TOX2: variants seen among roughly 807,000 people sequenced by gnomAD.
The protein encoded by TOX2 is TOX high mobility group box family member 2, also known as granulosa cell HMG box 1.
TOX2 carries 15 observed loss-of-function variants against 47.4 expected under a neutral mutation model. The observed-to-expected ratio is 0.32, with a 90% CI of 0.21 to 0.49. The LOEUF (loss-of-function observed/expected upper bound fraction) is 0.49. TOX2 is among the 20% of genes least tolerant of loss of function. TOX2 has a pLI of 0.99. For synonymous variants in TOX2, 290 were observed against 296.6 expected (o/e 0.98, Z 0.23); for missense variants, 622 against 673.1 (o/e 0.92, Z 0.84).
At chr20:43,973,479 G>A (rs1203725901) in intron 2 of TOX2, 47 bp downstream of exon 2, 2 of 1,589,734 alleles carry the variant, frequency 1.3e-6, no homozygotes, top group African/African-American at 1.3e-5. Context: ...ATTTGGGCTG[G>A]CTGGATCTGA....
At chr20:43,981,841 A>G (rs1230526246) in intron 2 of TOX2, among the ~76,000 whole-genome samples, 1 of 152,212 alleles carries the variant, frequency 6.6e-6, no homozygotes, top group Non-Finnish European at 1.5e-5. Context: ...ACATGTAAAC[A>G]GTAAATATAG....
intron 1 of TOX2, among the ~76,000 whole-genome samples, chr20:43,931,704 C>CG (rs1407135299): frequency 6.6e-6 from 1 of 152,088 alleles, no homozygotes; most frequent in African/African-American, 2.4e-5. Flanking sequence ...AAATACTGGA[C>CG]GGGGCAAGAG....
intron 1 of TOX2, among the ~76,000 whole-genome samples, chr20:43,920,830 G>C (rs1274696828): frequency 2.0e-5 from 3 of 152,196 alleles, no homozygotes; most frequent in Non-Finnish European, 4.4e-5. Flanking sequence ...TTCTAACTGT[G>C]GAGGGTGCAC....
intron 3 of TOX2, among the ~76,000 whole-genome samples, chr20:44,045,375 G>A (rs554669981): frequency 2.0e-5 from 3 of 152,226 alleles, no homozygotes; most frequent in Admixed American, 6.5e-5. Flanking sequence ...AGACAAAGAC[G>A]TGTACTCCTA....
rs2069043644 is a variant in TOX2, at chr20:43,915,324, G to T, written c.99+334G>T. 2.0e-5 allele frequency among the ~76,000 whole-genome samples: 3 copies of T among 152,170 alleles called. No individual in the cohort carries two copies. The highest frequency in any genetic ancestry group is 2.0e-4 in the Admixed American group (3 of 15,274). The stretch of plus-strand genomic sequence containing the variant: ...TACACGGTCCCGCCGTCCCACGCAA[G>T]TCACCCTGACAGTCACTTATACACA... On this transcript the variant is annotated intron_variant, in intron 1 of 8. Transcript: ENST00000341197. This position sits in a 1 kb window ranked among gnomAD's most constrained non-coding sequence, Gnocchi z 7.1.
intron 1 of TOX2, among the ~76,000 whole-genome samples, chr20:43,938,118 G>C (rs1277509005): frequency 6.6e-6 from 1 of 152,220 alleles, no homozygotes; most frequent in African/African-American, 2.4e-5. Flanking sequence ...GCACCCCAGT[G>C]ACTGCACGGT....
chr20:43,936,617 T>C (rs2069329769), intron 1 of TOX2, among the ~76,000 whole-genome samples: 1 of 152,010 alleles, frequency 6.6e-6, no homozygotes, highest in Non-Finnish European at 1.5e-5. Flanking sequence ...TTGGCTCAGC[T>C]CCCCACATGA....
intron 1 of TOX2, among the ~76,000 whole-genome samples, chr20:43,963,110 G>A (rs1435104253): frequency 6.6e-6 from 1 of 151,870 alleles, no homozygotes; most frequent in Non-Finnish European, 1.5e-5. Flanking sequence ...TGTGGTAAGC[G>A]GCCACCATTC....
intron 3 of TOX2, among the ~76,000 whole-genome samples, chr20:44,011,195 A>G (rs992619065): frequency 2.0e-5 from 3 of 152,282 alleles, no homozygotes; most frequent in South Asian, 2.1e-4. Context: ...TCTTTTCTAA[A>G]TACAGTACCA....
At chr20:43,947,248 G>A (rs867472252) in intron 1 of TOX2, among the ~76,000 whole-genome samples, 5 of 152,244 alleles carry the variant, frequency 3.3e-5, no homozygotes, top group South Asian at 2.1e-4. Flanking sequence ...TGAGCTTTCT[G>A]TCTCTTCATC....
intron 4 of TOX2, 107 bp from the exon 5 acceptor site, chr20:44,054,192 G>T (rs948594173): frequency 1.8e-5 from 21 of 1,191,796 alleles, no homozygotes; most frequent in African/African-American, 4.5e-5. Context: ...GGTTATCTGT[G>T]CATGAGCAGG....
intron 1 of TOX2, among the ~76,000 whole-genome samples, chr20:43,954,915 C>T (rs1024760967): frequency 2.0e-5 from 3 of 152,180 alleles, no homozygotes; most frequent in African/African-American, 7.2e-5. Flanking sequence ...AATGGGCATA[C>T]AGAGGGACAG....
intron 3 of TOX2, among the ~76,000 whole-genome samples, chr20:44,028,134 GGA>G (rs2071093518): frequency 6.6e-6 from 1 of 152,240 alleles, no homozygotes; most frequent in Admixed American, 6.5e-5. Flanking sequence ...CAGGGTGTCA[GGA>G]GAGAGAATCA....
At chr20:43,952,996 G>A (rs2069607049) in intron 1 of TOX2, among the ~76,000 whole-genome samples, 1 of 152,122 alleles carries the variant, frequency 6.6e-6, no homozygotes. Flanking sequence ...TATAAGTGAG[G>A]AGGGGTTGCA....
chr20:43,961,886 C>A (rs893167494), intron 1 of TOX2, among the ~76,000 whole-genome samples: 1 of 152,108 alleles, frequency 6.6e-6, no homozygotes, highest in South Asian at 2.1e-4. Flanking sequence ...CCTGGCCCTG[C>A]CCCTTGGATG....
intron 1 of TOX2, among the ~76,000 whole-genome samples, chr20:43,972,963 C>T (rs2070002364): frequency 6.6e-6 from 1 of 152,204 alleles, no homozygotes. Flanking sequence ...GTGTTCTTGG[C>T]CTCCCCCAGC....
At chr20:43,938,299 G>A (rs142063299) in intron 1 of TOX2, among the ~76,000 whole-genome samples, 52 of 152,262 alleles carry the variant, frequency 3.4e-4, no homozygotes, top group African/African-American at 1.1e-3. Flanking sequence ...AACTCCACCC[G>A]CTGTGGGATG....
chr20:43,951,434 G>A (rs184705512), intron 1 of TOX2, among the ~76,000 whole-genome samples: 4 of 151,828 alleles, frequency 2.6e-5, no homozygotes, highest in African/African-American at 7.3e-5. Context: ...AAAATTAGCC[G>A]GGTATGGTGG....
intron 1 of TOX2, among the ~76,000 whole-genome samples, chr20:43,952,015 C>T (rs2069583468): frequency 6.6e-6 from 1 of 151,706 alleles, no homozygotes; most frequent in Non-Finnish European, 1.5e-5. Flanking sequence ...TCCTGTCTCG[C>T]CCTCCCGAGT....
Sources: allele counts gnomAD v4.1 joint callset (sites outside exome capture counted in the v4.1 genomes callset), GRCh38; gene constraint gnomAD v4.1.1; non-coding constraint Gnocchi (gnomAD v3.1); transcripts MANE v1.5; gene names NCBI Gene and HGNC (gene_info 2026-07-23, HGNC 2026-07-21).